The following PPP1R14D variants were observed in gnomAD, a reference collection of about 807,000 sequenced individuals.
The protein encoded by PPP1R14D is protein phosphatase 1 regulatory subunit 14D.
A neutral mutation model predicts 17.1 loss-of-function variants in PPP1R14D; 14 were observed. The observed-to-expected ratio is 0.82, with a 90% CI of 0.54 to 1.28. The LOEUF (loss-of-function observed/expected upper bound fraction) is 1.28. Ranked by LOEUF, PPP1R14D falls within the 50% of genes most tolerant of loss-of-function variation. The pLI is 0.00. For synonymous variants in PPP1R14D, 67 were observed against 66.1 expected (o/e 1.01, Z -0.06); for missense variants, 173 against 179.2 (o/e 0.97, Z 0.20).
At chr15:40,821,385 G>A (rs1890773687) in intron 1 of PPP1R14D, among the ~76,000 whole-genome samples, 1 of 151,342 alleles carries the variant, frequency 6.6e-6, no homozygotes, top group Non-Finnish European at 1.5e-5. Context: ...AAGAAAAATT[G>A]CATATTTTAA....
At chr15:40,823,004 G>A (rs1412210193) in intron 1 of PPP1R14D, among the ~76,000 whole-genome samples, 3 of 135,844 alleles carry the variant, frequency 2.2e-5, no homozygotes, top group Non-Finnish European at 4.6e-5. Context: ...CGCTCTTGTC[G>A]CCCAGGCTGG....
At chr15:40,821,907 G>A (rs1368574857) in intron 1 of PPP1R14D, among the ~76,000 whole-genome samples, 2 of 152,126 alleles carry the variant, frequency 1.3e-5, no homozygotes, top group African/African-American at 4.8e-5. Context: ...CAGCGTGGGC[G>A]ATAAAGTGAG....
chr15:40,825,439 C>T (rs1890855343), intron 1 of PPP1R14D, among the ~76,000 whole-genome samples: 1 of 152,166 alleles, frequency 6.6e-6, no homozygotes, highest in African/African-American at 2.4e-5. Context: ...ACAACAGGAG[C>T]TCTAGGACCC....
In PPP1R14D at chr15:40,815,546, GT is replaced by G; in HGVS notation, c.*149del. ...AGAGCCCAGCTGACAGAAACTAGCT[GT>G]GACCACACAGACAGTAGGAGTATGC... On this transcript the variant is annotated 3_prime_UTR_variant, in exon 4 of 4. Transcript: ENST00000299174. The G allele has an allele frequency of 9.9e-7, 1 of 1,008,290 alleles. No homozygotes were observed. The highest frequency in any genetic ancestry group is 2.7e-5 in the East Asian group (1 of 37,148). The allele number at this position is 1,008,290 out of a possible 1,614,324, so 62.5% of individuals were successfully genotyped here.
intron 1 of PPP1R14D, among the ~76,000 whole-genome samples, chr15:40,822,671 T>C (rs1890800569): frequency 6.6e-6 from 1 of 152,160 alleles, no homozygotes; most frequent in Non-Finnish European, 1.5e-5. Flanking sequence ...GAGGCTGGTC[T>C]CAAACTCCCA....
intron 1 of PPP1R14D, among the ~76,000 whole-genome samples, chr15:40,816,745 G>A (rs1309482012): frequency 6.6e-6 from 1 of 151,750 alleles, no homozygotes; most frequent in South Asian, 2.1e-4. Context: ...AATAAAAAAA[G>A]ACATCTGTTA....
chr15:40,823,294 A>C (rs746439143), intron 1 of PPP1R14D, among the ~76,000 whole-genome samples: 17 of 150,664 alleles, frequency 1.1e-4, no homozygotes, highest in Non-Finnish European at 1.6e-4. Context: ...TTTTTTGTTG[A>C]GTGGGGTCCC....
At chr15:40,816,331 C>G in intron 1 of PPP1R14D, 78 bp from the exon 2 acceptor site, 1 of 1,131,302 alleles carries the variant, frequency 8.8e-7, no homozygotes, top group Non-Finnish European at 1.3e-6. Flanking sequence ...GGGACTCAAC[C>G]CACCTCTCTC....
chr15:40,823,904 C>G (rs1890827125), intron 1 of PPP1R14D, among the ~76,000 whole-genome samples: 1 of 151,618 alleles, frequency 6.6e-6, no homozygotes, highest in Admixed American at 6.6e-5. Flanking sequence ...TGGCTTACCC[C>G]TCCCAGCACT....
chr15:40,828,659 C>A lies in PPP1R14D; in HGVS notation c.-18G>T, dbSNP rs1172771700. On this transcript the variant is annotated 5_prime_UTR_variant, in exon 1 of 4. Coordinates refer to ENST00000299174, the MANE Select transcript of PPP1R14D (RefSeq NM_017726.8). ...GACAGCATGGAAGTATTGGTCTGGGCAAGGAGCTGGGAAAAACCGCCAGTT... is the reference window on the plus strand; with the variant it reads ...GACAGCATGGAAGTATTGGTCTGGGAAAGGAGCTGGGAAAAACCGCCAGTT... 1 of 1,586,826 alleles carries A rather than the reference C, an allele frequency of 6.3e-7. No homozygotes were observed.
chr15:40,820,485 C>A (rs2141986850), intron 1 of PPP1R14D, among the ~76,000 whole-genome samples: 1 of 151,570 alleles, frequency 6.6e-6, no homozygotes, highest in Admixed American at 6.6e-5. Context: ...AAAAGCAGAG[C>A]CAGAAAAGAC....
intron 1 of PPP1R14D, among the ~76,000 whole-genome samples, chr15:40,827,687 G>A (rs568830185): frequency 5.8e-4 from 88 of 152,258 alleles, no homozygotes; most frequent in African/African-American, 1.9e-3. Context: ...TTGAGAGGCC[G>A]AGGCAGGCAG....
intron 1 of PPP1R14D, among the ~76,000 whole-genome samples, chr15:40,820,835 AG>A (rs1316879126): frequency 5.3e-5 from 8 of 151,574 alleles, no homozygotes; most frequent in Admixed American, 5.3e-4. Context: ...CCCTCCAGCC[AG>A]GGTGACAGAG....
chr15:40,820,556 TAAAA>T (rs1890757780), intron 1 of PPP1R14D, among the ~76,000 whole-genome samples: 2 of 151,246 alleles, frequency 1.3e-5, no homozygotes, highest in Admixed American at 1.3e-4. Flanking sequence ...ATACAGAAGA[TAAAA>T]GAAAGAATCA....
intron 1 of PPP1R14D, among the ~76,000 whole-genome samples, chr15:40,818,437 A>T (rs1052852037): frequency 1.3e-5 from 2 of 152,156 alleles, no homozygotes; most frequent in Non-Finnish European, 2.9e-5. Flanking sequence ...ATGGAATATT[A>T]TTCAGTGCAA....
At chr15:40,816,808 A>G (rs1890676866) in intron 1 of PPP1R14D, among the ~76,000 whole-genome samples, 1 of 152,010 alleles carries the variant, frequency 6.6e-6, no homozygotes, top group Admixed American at 6.6e-5. Flanking sequence ...ACAGTGGCTC[A>G]CTCCTGTAAT....
intron 1 of PPP1R14D, among the ~76,000 whole-genome samples, chr15:40,819,163 G>A (rs2141985965): frequency 6.6e-6 from 1 of 152,240 alleles, no homozygotes; most frequent in African/African-American, 2.4e-5. Context: ...AAGTGAAAAC[G>A]ATGTAGTAGT....
At chr15:40,820,963 A>G (rs1014337433) in intron 1 of PPP1R14D, among the ~76,000 whole-genome samples, 4 of 151,722 alleles carry the variant, frequency 2.6e-5, no homozygotes, top group Non-Finnish European at 5.9e-5. Context: ...AAGACAGGAG[A>G]GTGCTTGAGG....
intron 1 of PPP1R14D, among the ~76,000 whole-genome samples, chr15:40,825,598 C>T (rs1006557488): frequency 6.6e-6 from 1 of 152,184 alleles, no homozygotes; most frequent in African/African-American, 2.4e-5. Flanking sequence ...TTTCCCACTG[C>T]TGCTGTCTAA....
Sources: gnomAD v4.1 joint callset for allele counts (sites outside exome capture counted in the v4.1 genomes callset) on GRCh38, gnomAD v4.1.1 for gene constraint, MANE v1.5 for transcripts, NCBI Gene and HGNC (gene_info 2026-07-23, HGNC 2026-07-21) for gene names.